The following RARB variants were observed in gnomAD, a reference collection of about 807,000 sequenced individuals.
The protein encoded by RARB is HBV-activated protein.
Under a neutral mutation model 51.9 loss-of-function variants are expected in RARB, and 17 were observed. The ratio of observed to expected loss-of-function variants is 0.33; its 90% CI spans 0.22 to 0.49. RARB has a LOEUF of 0.49. Among genes scored for constraint, RARB ranks in the 20% least tolerant of loss-of-function variants. The probability of loss-of-function intolerance (pLI) is 0.99; values close to 1 mark genes in which losing one functional copy is unlikely to be tolerated. For missense variants in RARB, 369 were observed against 550.8 expected, an observed-to-expected ratio of 0.67 and a Z score of 3.30; for synonymous variants, 215 against 195.4, an observed-to-expected ratio of 1.10 and a Z score of -0.84.
chr3:25,058,746 CA>C (rs1186450590), intron 2 of RARB, among the ~76,000 whole-genome samples: 3 of 151,442 alleles, frequency 2.0e-5, no homozygotes, highest in Non-Finnish European at 4.4e-5. Flanking sequence ...TGCAATTGAT[CA>C]AAAATTTGTT....
chr3:24,983,176 T>G (rs1485982794), intron 2 of RARB, among the ~76,000 whole-genome samples: 2 of 152,168 alleles, frequency 1.3e-5, no homozygotes, highest in Non-Finnish European at 2.9e-5. Context: ...ACACTCCTGG[T>G]GATATTGCAA....
intron 2 of RARB, among the ~76,000 whole-genome samples, chr3:25,035,301 C>T (rs1697965876): frequency 6.6e-6 from 1 of 151,714 alleles, no homozygotes; most frequent in Admixed American, 6.6e-5. Flanking sequence ...TTTGTATTTT[C>T]TATAGAGACA....
At chr3:25,376,672 T>A (rs1383658648) in intron 5 of RARB, among the ~76,000 whole-genome samples, 1 of 152,238 alleles carries the variant, frequency 6.6e-6, no homozygotes, top group Non-Finnish European at 1.5e-5. Flanking sequence ...TTGGCATTAA[T>A]GGACACTTGA....
At chr3:25,593,125 T>C (rs1356798570) in intron 5 of RARB, among the ~76,000 whole-genome samples, 2 of 152,178 alleles carry the variant, frequency 1.3e-5, no homozygotes, top group Admixed American at 6.5e-5. Context: ...TTGTCATTTA[T>C]TGCAGACTGT....
intron 3 of RARB, among the ~76,000 whole-genome samples, chr3:25,129,564 A>G (rs78289374): frequency 0.021 from 3,220 of 152,216 alleles, 87 homozygotes; most frequent in African/African-American, 0.064. Context: ...TGTCTAAATT[A>G]TAGTCATAGA....
intron 3 of RARB, among the ~76,000 whole-genome samples, chr3:25,516,977 G>A (rs559742589): frequency 7.9e-5 from 12 of 152,068 alleles, no homozygotes; most frequent in East Asian, 5.8e-4. Flanking sequence ...ATATACTGAC[G>A]GCAGAAAAGA....
intron 1 of RARB, chr3:24,858,569 G>A (rs189802163): frequency 2.0e-5 from 3 of 152,172 alleles, no homozygotes; most frequent in Non-Finnish European, 2.9e-5. Flanking sequence ...TCACGTCATG[G>A]AAAGGAGGTA....
intron 5 of RARB, among the ~76,000 whole-genome samples, chr3:25,384,364 A>G (rs1437008305): frequency 6.6e-6 from 1 of 152,084 alleles, no homozygotes; most frequent in African/African-American, 2.4e-5. Flanking sequence ...TTTCCTATTA[A>G]CCGATAGGGT....
At chr3:25,463,423 G>A (rs1165927220) in intron 2 of RARB, among the ~76,000 whole-genome samples, 1 of 152,064 alleles carries the variant, frequency 6.6e-6, no homozygotes, top group African/African-American at 2.4e-5. Context: ...CCAGCACTTT[G>A]GGAGGTCAAG....
At chr3:25,370,877 G>C (rs1706277718) in intron 5 of RARB, among the ~76,000 whole-genome samples, 1 of 152,210 alleles carries the variant, frequency 6.6e-6, no homozygotes, top group African/African-American at 2.4e-5. Context: ...GAGTCTCTAG[G>C]AGAGAAACTT....
intron 2 of RARB, among the ~76,000 whole-genome samples, chr3:24,884,511 T>C (rs893192816): frequency 2.0e-5 from 3 of 152,196 alleles, no homozygotes; most frequent in African/African-American, 7.2e-5. Flanking sequence ...CCAAGGATTA[T>C]CTCTAGAGAT....
intron 2 of RARB, among the ~76,000 whole-genome samples, chr3:25,007,175 G>T (rs1052666863): frequency 6.6e-6 from 1 of 152,148 alleles, no homozygotes; most frequent in African/African-American, 2.4e-5. Flanking sequence ...AAAGAAAAAG[G>T]CCAGGGAGCC....
intron 5 of RARB, among the ~76,000 whole-genome samples, chr3:25,312,825 C>G (rs1032897975): frequency 6.6e-6 from 1 of 152,318 alleles, no homozygotes; most frequent in African/African-American, 2.4e-5. Context: ...GCAGCTGTCC[C>G]TCGCGGATAG....
chr3:25,192,565 C>A (rs758747903), intron 5 of RARB, among the ~76,000 whole-genome samples: 18 of 152,056 alleles, frequency 1.2e-4, no homozygotes, highest in Non-Finnish European at 1.8e-4. Context: ...TGTTTTCCAT[C>A]AGTGGTTCTC....
At chr3:24,958,377 G>A (rs572258108) in intron 2 of RARB, among the ~76,000 whole-genome samples, 88 of 146,926 alleles carry the variant, frequency 6.0e-4, no homozygotes, top group Non-Finnish European at 6.4e-4. Flanking sequence ...AAGGCAAGGA[G>A]AAAACTGTTC....
At chr3:25,196,077 T>G (rs549073131) in intron 5 of RARB, among the ~76,000 whole-genome samples, 1 of 152,114 alleles carries the variant, frequency 6.6e-6, no homozygotes, top group African/African-American at 2.4e-5. Flanking sequence ...TCTAAAATTT[T>G]TTTACTTTTA....
intron 2 of RARB, among the ~76,000 whole-genome samples, chr3:24,859,236 G>T (rs1702695163): frequency 1.3e-5 from 2 of 151,886 alleles, no homozygotes; most frequent in Admixed American, 1.3e-4. Flanking sequence ...TCTCTATATT[G>T]CAATATCTCT....
intron 3 of RARB, among the ~76,000 whole-genome samples, chr3:25,541,479 G>A (rs143716746): frequency 2.6e-5 from 4 of 152,238 alleles, no homozygotes; most frequent in South Asian, 2.1e-4. Context: ...TGGCATGTAC[G>A]TTTGTTGAAT....
chr3:24,917,916 A>T (rs930405574), intron 2 of RARB, among the ~76,000 whole-genome samples: 3 of 152,246 alleles, frequency 2.0e-5, no homozygotes, highest in Admixed American at 6.5e-5. Context: ...ACTGGTGAAG[A>T]TGTAGGTAAT....
Sources: allele counts gnomAD v4.1 joint callset (sites outside exome capture counted in the v4.1 genomes callset), GRCh38; gene constraint gnomAD v4.1.1; transcripts MANE v1.5; gene names NCBI Gene and HGNC (gene_info 2026-07-23, HGNC 2026-07-21).